The following SLC39A10 variants were observed in gnomAD, a reference collection of about 807,000 sequenced individuals.
SLC39A10 encodes solute carrier family 39 member 10.
Under a neutral mutation model 65.1 loss-of-function variants are expected in SLC39A10, and 13 were observed. The ratio of observed to expected loss-of-function variants is 0.20; its 90% CI spans 0.13 to 0.32. SLC39A10 has a LOEUF of 0.32. Among genes scored for constraint, SLC39A10 ranks in the 10% least tolerant of loss-of-function variants. SLC39A10 has a pLI of 1.00. For missense variants in SLC39A10, 831 were observed against 1,018.4 expected (o/e 0.82, Z 2.50); for synonymous variants, 321 against 342.2 (o/e 0.94, Z 0.68).
chr2:195,633,592 C>T (rs1018059978), intron 2 of SLC39A10, among the ~76,000 whole-genome samples: 6 of 152,118 alleles, frequency 3.9e-5, no homozygotes, highest in Non-Finnish European at 8.8e-5. Flanking sequence ...AAAATCAGGT[C>T]ACAGGAAAGA....
chr2:195,668,808 C>T (rs1318935140), intron 1 of SLC39A10, among the ~76,000 whole-genome samples: 1 of 152,168 alleles, frequency 6.6e-6, no homozygotes, highest in African/African-American at 2.4e-5. Flanking sequence ...CTGTCGCTCG[C>T]ACCCAGCACT....
At chr2:195,696,708 A>G (rs913486028) in intron 3 of SLC39A10, among the ~76,000 whole-genome samples, 1 of 152,150 alleles carries the variant, frequency 6.6e-6, no homozygotes, top group Non-Finnish European at 1.5e-5. Flanking sequence ...AAGCCTTACC[A>G]ATAATATAGT....
intron 5 of SLC39A10, among the ~76,000 whole-genome samples, chr2:195,712,651 G>C (rs1299055115): frequency 1.3e-5 from 2 of 152,184 alleles, no homozygotes; most frequent in South Asian, 2.1e-4. Context: ...AGTTGGAAGA[G>C]TTGTTAGTGG....
chr2:195,694,630 A>G (rs1019674897), intron 3 of SLC39A10, among the ~76,000 whole-genome samples: 1 of 152,182 alleles, frequency 6.6e-6, no homozygotes, highest in African/African-American at 2.4e-5. Flanking sequence ...TGTGGATACC[A>G]GCACCTGTTC....
At chr2:195,660,535 C>G (rs924706123) in intron 1 of SLC39A10, among the ~76,000 whole-genome samples, 1 of 152,162 alleles carries the variant, frequency 6.6e-6, no homozygotes, top group African/African-American at 2.4e-5. Flanking sequence ...GTTTAAATTA[C>G]AATTAGATTT....
At chr2:195,653,650 CCCATCATG>C (rs1455893185), upstream of SLC39A10, among the ~76,000 whole-genome samples, 3 of 152,208 alleles carry the variant, frequency 2.0e-5, no homozygotes, top group African/African-American at 7.2e-5. Context: ...ACCATCCATT[CCCATCATG>C]CCTGGTACTA....
intron 2 of SLC39A10, among the ~76,000 whole-genome samples, chr2:195,645,971 C>G (rs1042009289): frequency 6.6e-6 from 1 of 152,046 alleles, no homozygotes; most frequent in African/African-American, 2.4e-5. Flanking sequence ...GAGATGGGGT[C>G]TCACTCTGTG....
intron 2 of SLC39A10, among the ~76,000 whole-genome samples, chr2:195,641,328 G>A (rs1688807517): frequency 6.6e-6 from 1 of 152,172 alleles, no homozygotes; most frequent in Non-Finnish European, 1.5e-5. Context: ...AAGCATGACA[G>A]CTGAGGAAGT....
chr2:195,729,301 C>G (rs2105846620), intron 9 of SLC39A10, among the ~76,000 whole-genome samples: 1 of 152,246 alleles, frequency 6.6e-6, no homozygotes, highest in Non-Finnish European at 1.5e-5. Context: ...TTTTTAATCA[C>G]AGAATTAATG....
intron 1 of SLC39A10, among the ~76,000 whole-genome samples, chr2:195,665,883 A>G (rs1207029480): frequency 6.6e-6 from 1 of 151,622 alleles, no homozygotes; most frequent in Non-Finnish European, 1.5e-5. Context: ...TATTTCCTGT[A>G]CTCCAGTTTC....
At chr2:195,637,796 C>T (rs1400239969) in intron 2 of SLC39A10, among the ~76,000 whole-genome samples, 1 of 152,072 alleles carries the variant, frequency 6.6e-6, no homozygotes, top group Admixed American at 6.6e-5. Flanking sequence ...TATGATTTGA[C>T]CTTTAAAAAA....
At chr2:195,657,979 G>C (rs1689227529) in intron 1 of SLC39A10, 1 of 152,540 alleles carries the variant, frequency 6.6e-6, no homozygotes, top group Non-Finnish European at 1.5e-5. Flanking sequence ...TGGAGCTGAG[G>C]GTGAGGGTGG....
At chr2:195,669,436 G>C (rs1689761893) in intron 1 of SLC39A10, among the ~76,000 whole-genome samples, 1 of 151,958 alleles carries the variant, frequency 6.6e-6, no homozygotes, top group Admixed American at 6.6e-5. Flanking sequence ...ACCTTTTCTG[G>C]GTCTTAGATT....
upstream of SLC39A10, among the ~76,000 whole-genome samples, chr2:195,653,077 A>C (rs1689074242): frequency 6.6e-6 from 1 of 152,170 alleles, no homozygotes; most frequent in Admixed American, 6.5e-5. Context: ...GTGCCAAAAA[A>C]AGTTGGGGAC....
intron 2 of SLC39A10, among the ~76,000 whole-genome samples, chr2:195,638,189 T>C (rs2105702794): frequency 6.6e-6 from 1 of 152,276 alleles, no homozygotes; most frequent in South Asian, 2.1e-4. Context: ...GACGGGACCT[T>C]GCTATGTTGT....
At chr2:195,684,954 C>A (rs1003617705) in intron 3 of SLC39A10, among the ~76,000 whole-genome samples, 1 of 152,140 alleles carries the variant, frequency 6.6e-6, no homozygotes, top group Non-Finnish European at 1.5e-5. Context: ...AAGCTGAATT[C>A]ATTTACTCCT....
chr2:195,718,329 T>C lies in SLC39A10; in HGVS notation c.2143T>C (p.Leu715=), dbSNP rs546682414. ...AVFCHELPHE[L]GDFAVLLKAG... Reference sequence around the variant, plus strand: ...CTTCTGTCATGAACTGCCACATGAATTAGGTAATATAACCTTAAAAATTTT... The same window carrying C: ...CTTCTGTCATGAACTGCCACATGAACTAGGTAATATAACCTTAAAAATTTT... Residue 715 remains leucine (L), a synonymous_variant, in exon 8 of 10, where the codon TTA becomes CTA. Coordinates refer to ENST00000359634, the MANE Select transcript of SLC39A10 (RefSeq NM_020342.3). 1.8e-5 allele frequency: 29 copies of C among 1,604,462 alleles called. No individual in the cohort carries two copies. The African/African-American group carries it at 2.3e-4, about 13-fold the overall frequency.
At chr2:195,672,662 A>T (rs940585176) in intron 1 of SLC39A10, among the ~76,000 whole-genome samples, 1 of 152,174 alleles carries the variant, frequency 6.6e-6, no homozygotes, top group Non-Finnish European at 1.5e-5. Context: ...GTAGAGACAA[A>T]TGACGTTTTA....
At chr2:195,690,576 G>A (rs777846650) in intron 3 of SLC39A10, among the ~76,000 whole-genome samples, 2 of 152,100 alleles carry the variant, frequency 1.3e-5, no homozygotes, top group Non-Finnish European at 2.9e-5. Flanking sequence ...AATGGTGTGA[G>A]GTGGTATCTC....
Sources: allele counts gnomAD v4.1 joint callset (sites outside exome capture counted in the v4.1 genomes callset), GRCh38; gene constraint gnomAD v4.1.1; transcripts MANE v1.5; gene names NCBI Gene and HGNC (gene_info 2026-07-23, HGNC 2026-07-21).